The following ANGPT1 variants were observed in gnomAD, a reference collection of about 807,000 sequenced individuals.
ANGPT1 encodes the protein angiopoietin 1, also known as angiopoietin-1.
In ANGPT1, 17 loss-of-function variants were observed where a neutral mutation model predicts 62.2. The ratio of observed to expected loss-of-function variants is 0.27; its 90% CI spans 0.19 to 0.41. The LOEUF (loss-of-function observed/expected upper bound fraction) is 0.41. Among genes scored for constraint, ANGPT1 ranks in the 10% least tolerant of loss-of-function variants. The pLI, the probability that ANGPT1 is intolerant of heterozygous loss-of-function variation, is 1.00. For synonymous variants in ANGPT1, 199 were observed against 198.9 expected (o/e 1.00, Z 0.00); for missense variants, 478 against 594.9 (o/e 0.80, Z 2.04).
intron 5 of ANGPT1, among the ~76,000 whole-genome samples, chr8:107,300,620 C>T (rs1255839677): frequency 1.3e-5 from 2 of 151,844 alleles, no homozygotes; most frequent in South Asian, 2.1e-4. Flanking sequence ...CTCTGAAAAG[C>T]CATGGTGGCC....
chr8:107,307,414 A>G (rs765770897), intron 4 of ANGPT1, among the ~76,000 whole-genome samples: 1 of 152,072 alleles, frequency 6.6e-6, no homozygotes, highest in Non-Finnish European at 1.5e-5. Flanking sequence ...TTTCCTGTAG[A>G]GTGTATTGCA....
intron 5 of ANGPT1, among the ~76,000 whole-genome samples, chr8:107,297,217 C>T (rs1814436922): frequency 6.6e-6 from 1 of 151,914 alleles, no homozygotes; most frequent in Non-Finnish European, 1.5e-5. Flanking sequence ...ATATGCTTCC[C>T]AATTCTTATG....
At chr8:107,461,112 G>A (rs1812060036) in intron 1 of ANGPT1, among the ~76,000 whole-genome samples, 1 of 152,024 alleles carries the variant, frequency 6.6e-6, no homozygotes, top group South Asian at 2.1e-4. Context: ...TTTTATATTT[G>A]AAAACTGATT....
At chr8:107,344,001 G>A (rs1458913941) in intron 2 of ANGPT1, among the ~76,000 whole-genome samples, 2 of 152,166 alleles carry the variant, frequency 1.3e-5, no homozygotes, top group Non-Finnish European at 2.9e-5. Flanking sequence ...GGTTGAGGCT[G>A]CAGTGAGCCC....
chr8:107,291,015 A>G (rs912476683), intron 6 of ANGPT1, among the ~76,000 whole-genome samples: 6 of 151,982 alleles, frequency 3.9e-5, no homozygotes, highest in African/African-American at 1.5e-4. Context: ...CTTTATATTT[A>G]TTTTTCTGTT....
At chr8:107,385,201 C>T (rs1320795652) in intron 1 of ANGPT1, among the ~76,000 whole-genome samples, 1 of 151,780 alleles carries the variant, frequency 6.6e-6, no homozygotes, top group East Asian at 1.9e-4. Context: ...AATAGCCTTG[C>T]ATCGGTAAAT....
At chr8:107,446,706 T>C (rs905350970) in intron 1 of ANGPT1, among the ~76,000 whole-genome samples, 2 of 152,146 alleles carry the variant, frequency 1.3e-5, no homozygotes, top group African/African-American at 4.8e-5. Flanking sequence ...GGAAAATGCA[T>C]TGGAATATGG....
At chr8:107,493,064 C>T (rs1336660288) in intron 1 of ANGPT1, among the ~76,000 whole-genome samples, 1 of 150,492 alleles carries the variant, frequency 6.6e-6, no homozygotes, top group Admixed American at 6.7e-5. Context: ...TACAAGGTCC[C>T]TTAATTTTCA....
intron 1 of ANGPT1, among the ~76,000 whole-genome samples, chr8:107,360,291 C>T (rs1467723573): frequency 6.6e-6 from 1 of 152,098 alleles, no homozygotes; most frequent in African/African-American, 2.4e-5. Context: ...TGAGGTTCTT[C>T]CTTTAATTAT....
intron 1 of ANGPT1, among the ~76,000 whole-genome samples, chr8:107,465,955 A>G (rs79644859): frequency 0.017 from 2,644 of 152,262 alleles, 24 homozygotes; most frequent in Non-Finnish European, 0.028. Context: ...AAGGACTTCT[A>G]TCTGGGAGGG....
chr8:107,476,106 A>G (rs536821698), intron 1 of ANGPT1, among the ~76,000 whole-genome samples: 2 of 152,216 alleles, frequency 1.3e-5, no homozygotes, highest in Non-Finnish European at 2.9e-5. Context: ...AAGGATTATA[A>G]ATCATGCTGC....
rs1586282250 is a variant in ANGPT1 at position 107,389,972 on chromosome 8, G to C, written c.298-42875C>G. Among the ~76,000 whole-genome samples the C allele has an allele frequency of 2.1e-5, 3 of 145,356 alleles. No individual in the cohort carries two copies. The South Asian group carries it at 6.5e-4, about 31-fold the overall frequency. On this transcript the variant is annotated intron_variant, in intron 1 of 8. Transcript: ENST00000517746. ...AAAATCATGCTGCAGTAAGCTCTTTGAGAGCACAAAATTGGCATTTTATTG... is the reference window on the plus strand; with the variant it reads ...AAAATCATGCTGCAGTAAGCTCTTTCAGAGCACAAAATTGGCATTTTATTG...
At chr8:107,334,345 C>T (rs1815510541) in intron 3 of ANGPT1, among the ~76,000 whole-genome samples, 1 of 152,086 alleles carries the variant, frequency 6.6e-6, no homozygotes, top group Admixed American at 6.6e-5. Context: ...ATGAAATATG[C>T]AGTTATTAAG....
chr8:107,307,018 C>G (rs1310963499), intron 4 of ANGPT1, among the ~76,000 whole-genome samples: 8 of 152,098 alleles, frequency 5.3e-5, no homozygotes, highest in Non-Finnish European at 1.2e-4. Context: ...GTGGTTTACA[C>G]TTTTTGTAAT....
rs867387241 is a variant in ANGPT1 at position 107,304,879 on chromosome 8, C to A, written c.809-1512G>T. 3.3e-5 allele frequency among the ~76,000 whole-genome samples: 5 copies of A among 151,902 alleles called. No homozygotes were observed. In the South Asian group the frequency reaches 1.0e-3, roughly 31 times the overall value. On this transcript the variant is annotated intron_variant, in intron 4 of 8. Coordinates refer to ENST00000517746, the MANE Select transcript of ANGPT1 (RefSeq NM_001146.5). Reference sequence around the variant, plus strand: ...ACCACCATCACAATTGCCATGTCAACACAAAATAAATCAACTAATTAAAGG... The same window carrying A: ...ACCACCATCACAATTGCCATGTCAAAACAAAATAAATCAACTAATTAAAGG...
chr8:107,281,968 A>G (rs1015074718), intron 7 of ANGPT1, among the ~76,000 whole-genome samples: 1 of 151,846 alleles, frequency 6.6e-6, no homozygotes, highest in African/African-American at 2.4e-5. Context: ...TGAGGCAGTG[A>G]TGGACAATGT....
intron 2 of ANGPT1, among the ~76,000 whole-genome samples, chr8:107,338,751 T>A (rs1284846553): frequency 6.6e-6 from 1 of 152,242 alleles, no homozygotes. Context: ...GATATAACTT[T>A]CAACTATTAA....
chr8:107,325,184 A>G lies in ANGPT1; in HGVS notation c.576-3056T>C, dbSNP rs1815258148. ...ACTATCTTTATTGGTTAAAAGTTTC[A>G]TCCCACCTACTGGGGTAGGCGTCAA... On this transcript the variant is annotated intron_variant, in intron 3 of 8. Coordinates refer to ENST00000517746, the MANE Select transcript of ANGPT1 (RefSeq NM_001146.5). Among the ~76,000 whole-genome samples, 5 of 152,308 alleles carry G rather than the reference A, an allele frequency of 3.3e-5. No individual in the cohort carries two copies. In the South Asian group the frequency reaches 1.0e-3, roughly 32 times the overall value.
intron 7 of ANGPT1, among the ~76,000 whole-genome samples, chr8:107,267,177 C>A (rs1037381760): frequency 9.9e-5 from 15 of 152,088 alleles, no homozygotes; most frequent in Non-Finnish European, 1.9e-4. Flanking sequence ...CAACCTCTCT[C>A]CATGTGAAAA....
Sources: allele counts gnomAD v4.1 joint callset (sites outside exome capture counted in the v4.1 genomes callset), GRCh38; gene constraint gnomAD v4.1.1; transcripts MANE v1.5; gene names NCBI Gene and HGNC (gene_info 2026-07-23, HGNC 2026-07-21).